The following ABCC1 variants were observed in gnomAD, a reference collection of about 807,000 sequenced individuals.
ABCC1 encodes multidrug resistance-associated protein 1.
ABCC1 carries 83 observed loss-of-function variants against 172.9 expected under a neutral mutation model. The ratio of observed to expected loss-of-function variants is 0.48; its 90% CI spans 0.40 to 0.58. The LOEUF is 0.58. Ranked by LOEUF, ABCC1 falls within the 20% of genes least tolerant of loss-of-function variation. The pLI, the probability that ABCC1 is intolerant of heterozygous loss-of-function variation, is 0.00. For missense variants in ABCC1, 1,817 were observed against 2,002.7 expected (o/e 0.91, Z 1.77); for synonymous variants, 937 against 825.2 (o/e 1.14, Z -2.32).
intron 27 of ABCC1, among the ~76,000 whole-genome samples, chr16:16,134,113 T>C (rs2045817650): frequency 6.6e-6 from 1 of 152,138 alleles, no homozygotes; most frequent in Admixed American, 6.5e-5. Flanking sequence ...TCTAGTAACT[T>C]ATAAAAAGCC....
At chr16:16,004,126 C>T (rs926199533) in intron 1 of ABCC1, among the ~76,000 whole-genome samples, 50 of 151,954 alleles carry the variant, frequency 3.3e-4, no homozygotes, top group Non-Finnish European at 6.5e-4. Context: ...ATAGGGAGGA[C>T]TGGCTGTGGT....
chr16:15,954,764 G>T (rs2045950128), intron 1 of ABCC1, among the ~76,000 whole-genome samples: 1 of 152,000 alleles, frequency 6.6e-6, no homozygotes, highest in Admixed American at 6.6e-5. Context: ...GCCTGGAGGG[G>T]GTGCCTCGCC....
In ABCC1 at chr16:16,090,598, G is replaced by T. The variant is rs761992766; in HGVS notation, c.2644+10G>T. On this transcript the variant is annotated intron_variant, in intron 19 of 30. Transcript: ENST00000399410. ...GATGCAGAGGAGAACGGTAGGGGCA[G>T]CCCCAGGGTTCCACCCACTCAGGGT... 3.8e-6 allele frequency: 6 copies of T among 1,567,438 alleles called. No homozygotes were observed. The highest frequency in any genetic ancestry group is 5.2e-6 in the Non-Finnish European group (6 of 1,150,702).
intron 19 of ABCC1, among the ~76,000 whole-genome samples, chr16:16,095,973 A>G (rs1209772523): frequency 6.6e-6 from 1 of 152,184 alleles, no homozygotes; most frequent in Non-Finnish European, 1.5e-5. Context: ...ACTACAAAAG[A>G]GTACAAAGAA....
chr16:15,998,774 A>G (rs1176012718), intron 1 of ABCC1, among the ~76,000 whole-genome samples: 2 of 151,992 alleles, frequency 1.3e-5, no homozygotes, highest in African/African-American at 4.8e-5. Context: ...TTTCTTCTGT[A>G]GCTTACTTTC....
chr16:16,011,534 C>T (rs2047784930), intron 3 of ABCC1, among the ~76,000 whole-genome samples: 1 of 150,940 alleles, frequency 6.6e-6, no homozygotes, highest in African/African-American at 2.4e-5. Flanking sequence ...GGCTGGACTT[C>T]ACTGGCGTGA....
chr16:16,020,406 C>CT (rs1383429712), intron 5 of ABCC1, among the ~76,000 whole-genome samples: 2 of 152,196 alleles, frequency 1.3e-5, no homozygotes, highest in Non-Finnish European at 2.9e-5. Context: ...TGCCATTTAC[C>CT]TTTTTGCAGA....
chr16:15,956,350 G>A (rs1208496412), intron 1 of ABCC1, among the ~76,000 whole-genome samples: 3 of 151,096 alleles, frequency 2.0e-5, no homozygotes, highest in African/African-American at 7.3e-5. Flanking sequence ...GGGTGACAGA[G>A]TAAGACTCTG....
At chr16:16,122,209 A>G in intron 24 of ABCC1, 35 bp downstream of exon 24, 2 of 1,609,734 alleles carry the variant, frequency 1.2e-6, no homozygotes, top group East Asian at 4.5e-5. Context: ...CGGGTGGAGG[A>G]GGCCGCCTTA....
chr16:16,081,340 G>A (rs1273921116), intron 16 of ABCC1, among the ~76,000 whole-genome samples: 2 of 152,164 alleles, frequency 1.3e-5, no homozygotes, highest in African/African-American at 2.4e-5. Flanking sequence ...AATGAACCAT[G>A]AGAGCTAGAT....
chr16:16,012,126 CAT>C (rs1331809119), intron 3 of ABCC1, among the ~76,000 whole-genome samples: 2 of 152,128 alleles, frequency 1.3e-5, no homozygotes, highest in African/African-American at 4.8e-5. Flanking sequence ...ATATAGCACA[CAT>C]ATGTGCTGTC....
intron 1 of ABCC1, among the ~76,000 whole-genome samples, chr16:15,993,266 A>G (rs2046936517): frequency 6.6e-6 from 1 of 152,192 alleles, no homozygotes; most frequent in African/African-American, 2.4e-5. Context: ...GGAACCCTGC[A>G]CTTATCTGTG....
intron 12 of ABCC1, among the ~76,000 whole-genome samples, chr16:16,060,418 C>T (rs972759320): frequency 6.6e-6 from 1 of 152,162 alleles, no homozygotes; most frequent in African/African-American, 2.4e-5. Context: ...CTCCATGTTC[C>T]CTAAGATCAC....
Position 16,086,804 on chromosome 16 carries a change from CTG to C in ABCC1, c.2293-12_2293-11del. On this transcript the variant is annotated intron_variant, in intron 17 of 30. Transcript: ENST00000399410. ...TCAAGATTTCCCAGGAAACCCACTC[CTG>C]TGTGTGTCTCTCCCCAGGGCGTGAA... 1 of 1,611,638 alleles carries C rather than the reference CTG, an allele frequency of 6.2e-7. No individual in the cohort carries two copies. Among genetic ancestry groups the C allele is most frequent in the Non-Finnish European group, 8.5e-7 (1 of 1,178,916 alleles).
In ABCC1 at chr16:16,009,846, G is replaced by A; in HGVS notation, c.296G>A (p.Gly99Asp). Residue 99 changes from glycine to aspartate, a missense_variant, in exon 3 of 31, where the codon GGC (glycine) becomes GAC (aspartate). This residue lies in a region of ABCC1 where 398 missense variants were observed against 384.2 expected (regional missense o/e 1.04). Coordinates refer to ENST00000399410, the MANE Select transcript of ABCC1 (RefSeq NM_004996.4). ...TACTCTTTCTGGGAAAGAAGTCGGG[G>A]CATATTCCTGGCCCCAGTGTTTCTG... ...LFYSFWERSR[G>D]IFLAPVFLVS... 1 of 1,611,784 alleles carries A rather than the reference G, an allele frequency of 6.2e-7. No homozygotes were observed. Among genetic ancestry groups the A allele is most frequent in the Non-Finnish European group, 8.5e-7 (1 of 1,179,160 alleles).
rs1320740366 is a variant in ABCC1 at position 16,141,287 on chromosome 16, A to G, written c.*6A>G. The G allele has an allele frequency of 2.5e-6, 4 of 1,613,748 alleles. No homozygotes were observed. Among genetic ancestry groups the G allele is most frequent in the Admixed American group, 1.7e-5 (1 of 60,012 alleles). On this transcript the variant is annotated 3_prime_UTR_variant, in exon 31 of 31. Coordinates refer to ENST00000399410, the MANE Select transcript of ABCC1 (RefSeq NM_004996.4). ...AAGACGCCGGCTTGGTGTGAGCCCC[A>G]GAGCTGGCATATCTGGTCAGAACTG...
rs545772203 is a variant in ABCC1 at position 16,068,177 on chromosome 16, G to T, written c.1699G>T (p.Val567Phe). ...PFLVALCTFA[V>F]YVTIDENNIL... is the part of the protein sequence containing the mutation. ...GCAGGTGGCCTTGTGCACATTTGCC[G>T]TCTACGTGACCATTGACGAGAACAA... The change falls in exon 13 of 31, where the codon GTC becomes TTC. Residue 567 changes from valine to phenylalanine, a missense_variant. Val to Phe is a conservative substitution (Grantham distance 50, BLOSUM62 -1). Transcript: ENST00000399410. The T allele has an allele frequency of 1.9e-6, 3 of 1,614,036 alleles. No individual in the cohort carries two copies. The highest frequency in any genetic ancestry group is 3.3e-5 in the Admixed American group (2 of 59,994).
chr16:15,958,856 T>C (rs575470154), intron 1 of ABCC1, among the ~76,000 whole-genome samples: 1 of 152,244 alleles, frequency 6.6e-6, no homozygotes, highest in South Asian at 2.1e-4. Flanking sequence ...TCGGCCCCGT[T>C]GACATGTAGG....
chr16:15,982,914 T>A (rs9934297), intron 1 of ABCC1, among the ~76,000 whole-genome samples: 1 of 150,046 alleles, frequency 6.7e-6, no homozygotes, highest in Non-Finnish European at 1.5e-5. Context: ...TTATGACCTA[T>A]ACAAATGGCA....
Sources: allele counts gnomAD v4.1 joint callset (sites outside exome capture counted in the v4.1 genomes callset), GRCh38; gene constraint gnomAD v4.1.1; regional missense constraint gnomAD v4.1.1; transcripts MANE v1.5; gene names NCBI Gene and HGNC (gene_info 2026-07-23, HGNC 2026-07-21).